ABCA3: variants seen among roughly 807,000 people sequenced by gnomAD.
ABCA3 encodes the protein ATP binding cassette subfamily A member 3, also known as phospholipid-transporting ATPase ABCA3.
In ABCA3, 88 loss-of-function variants were observed where a neutral mutation model predicts 172.8. That is an observed-to-expected ratio of 0.51 (90% CI 0.43 to 0.61). The LOEUF (loss-of-function observed/expected upper bound fraction) is 0.61. ABCA3 is among the 20% of genes least tolerant of loss of function. The pLI is 0.00. For synonymous variants in ABCA3, 1,066 were observed against 983.8 expected (o/e 1.08, Z -1.56); for missense variants, 2,164 against 2,301.0 (o/e 0.94, Z 1.22).
chr16:2,284,360 C>T lies in ABCA3; in HGVS notation c.3781G>A (p.Val1261Ile), dbSNP rs943919554. Residue 1261 changes from valine to isoleucine, a missense_variant, in exon 25 of 33, where the codon GTC becomes ATC. Around this residue, in one of 3 missense-constraint regions of ABCA3, gnomAD observed 795 missense variants for 881.9 expected, o/e 0.90. Transcript: ENST00000301732. The surrounding 1 kb of genome is among the most constrained non-coding windows in gnomAD (Gnocchi z 5.9). ...VLPNHCLGMA[V>I]SSFYENYETR... ...TCGTAGTTCTCGTAGAAACTGCTGA[C>T]TGCCATCCCCAGACAGTGGTTGGGC... 9 of 1,613,878 alleles carry T rather than the reference C, an allele frequency of 5.6e-6. No individual in the cohort carries two copies. The highest frequency in any genetic ancestry group is 7.6e-6 in the Non-Finnish European group (9 of 1,180,004).
rs534550241 is a variant in ABCA3, at chr16:2,281,947, G to A, written c.4036-438C>T. 4.6e-5 allele frequency among the ~76,000 whole-genome samples: 7 copies of A among 151,926 alleles called. No individual in the cohort carries two copies. In the East Asian group the frequency reaches 1.4e-3, roughly 29 times the overall value. On this transcript the variant is annotated intron_variant, in intron 26 of 32. Coordinates refer to ENST00000301732, the MANE Select transcript of ABCA3 (RefSeq NM_001089.3). The surrounding 1 kb of genome is among the most constrained non-coding windows in gnomAD (Gnocchi z 4.7). Reference sequence around the variant, plus strand: ...AGCCTCCCGAGTAGCGCGCCACCACGCCCAGCTAATTTTTGTATTTTTAGT... The same window carrying A: ...AGCCTCCCGAGTAGCGCGCCACCACACCCAGCTAATTTTTGTATTTTTAGT...
intron 7 of ABCA3, among the ~76,000 whole-genome samples, chr16:2,320,178 A>C (rs942741337): frequency 6.6e-6 from 1 of 151,530 alleles, no homozygotes; most frequent in Non-Finnish European, 1.5e-5. Context: ...GGCTCACTGC[A>C]ACCTCCACCT....
chr16:2,330,860 G>A (rs537801567), intron 1 of ABCA3, among the ~76,000 whole-genome samples: 2 of 151,880 alleles, frequency 1.3e-5, no homozygotes, highest in Admixed American at 1.3e-4. Context: ...CACAGCGCCC[G>A]GCTAATTTTT....
intron 10 of ABCA3, among the ~76,000 whole-genome samples, chr16:2,309,378 C>A (rs1436045873): frequency 1.3e-5 from 2 of 152,166 alleles, no homozygotes; most frequent in Admixed American, 1.3e-4. Context: ...AGAGAAAATC[C>A]CTCCCCTCCC....
chr16:2,282,899 C>T (rs1172758681), intron 26 of ABCA3, among the ~76,000 whole-genome samples: 1 of 152,040 alleles, frequency 6.6e-6, no homozygotes, highest in African/African-American at 2.4e-5. Flanking sequence ...TCCCCTCCTC[C>T]AGGCACTGGG....
At chr16:2,331,769 C>T (rs184943201) in intron 1 of ABCA3, among the ~76,000 whole-genome samples, 25 of 152,358 alleles carry the variant, frequency 1.6e-4, no homozygotes, top group African/African-American at 5.8e-4. Flanking sequence ...GGACCGGCCC[C>T]GGCTGAGCCC....
intron 2 of ABCA3, among the ~76,000 whole-genome samples, chr16:2,329,384 C>A (rs971275804): frequency 6.6e-6 from 1 of 152,098 alleles, no homozygotes; most frequent in Non-Finnish European, 1.5e-5. Context: ...GCCATCATCC[C>A]GGGGAAGTAC....
rs1443299666 is a variant in ABCA3, at chr16:2,287,074, C to G, written c.3005-107G>C. The G allele has an allele frequency of 3.1e-6, 4 of 1,303,566 alleles. No individual in the cohort carries two copies. The highest frequency in any genetic ancestry group is 4.3e-6 in the Non-Finnish European group (4 of 937,040). The allele number at this position is 1,303,566 out of a possible 1,614,324, so 80.7% of individuals were successfully genotyped here. On this transcript the variant is annotated intron_variant, in intron 21 of 32. Transcript: ENST00000301732. The surrounding 1 kb of genome is among the most constrained non-coding windows in gnomAD (Gnocchi z 4.1). Reference sequence around the variant, plus strand: ...GGACCCAATAGAGTGGTGCCAGCATCCTCTGAGCTGCCCGCCCCATCACCC... The same window carrying G: ...GGACCCAATAGAGTGGTGCCAGCATGCTCTGAGCTGCCCGCCCCATCACCC...
chr16:2,303,515 C>A (rs1312815252), intron 12 of ABCA3, among the ~76,000 whole-genome samples: 2 of 152,002 alleles, frequency 1.3e-5, no homozygotes, highest in Non-Finnish European at 2.9e-5. Flanking sequence ...CGTGATCCAC[C>A]CACCTTGGCC....
intron 14 of ABCA3, 94 bp from the exon 15 acceptor site, chr16:2,298,634 A>C: frequency 6.0e-6 from 9 of 1,492,118 alleles, no homozygotes; most frequent in Non-Finnish European, 8.2e-6. Flanking sequence ...GTCTCCCCTA[A>C]TTTCCTCTGA....
At chr16:2,326,804 A>G (rs145891650) in intron 3 of ABCA3, among the ~76,000 whole-genome samples, 1 of 152,302 alleles carries the variant, frequency 6.6e-6, no homozygotes, top group Non-Finnish European at 1.5e-5. Context: ...CCTGGCCAAC[A>G]TGGTGAAACC....
In ABCA3 at chr16:2,277,800, C is replaced by A; in HGVS notation, c.4909+79G>T. 1 of 1,595,418 alleles carries A rather than the reference C, an allele frequency of 6.3e-7. No individual in the cohort carries two copies. The highest frequency in any genetic ancestry group is 8.5e-7 in the Non-Finnish European group (1 of 1,171,166). ...GGGACTTGGCGGGGCGAGGCACAGA[C>A]GCTCCGCACAGCAGATGGGAGAGGC... On this transcript the variant is annotated intron_variant, in intron 31 of 32. Transcript: ENST00000301732. This position sits in a 1 kb window ranked among gnomAD's most constrained non-coding sequence, Gnocchi z 5.3.
chr16:2,278,121 C>T lies in ABCA3; in HGVS notation c.4719-52G>A, dbSNP rs1305921606. The T allele has an allele frequency of 1.2e-6, 2 of 1,609,772 alleles. No homozygotes were observed. The highest frequency in any genetic ancestry group is 3.3e-5 in the Admixed American group (2 of 59,804). Reference sequence around the variant, plus strand: ...GGGCTTGGGGTGCCAAAGGCTTGTGCAGACAGGAAGGCATTGGCTCTCCGA... The same window carrying T: ...GGGCTTGGGGTGCCAAAGGCTTGTGTAGACAGGAAGGCATTGGCTCTCCGA... On this transcript the variant is annotated intron_variant, in intron 30 of 32. Coordinates refer to ENST00000301732, the MANE Select transcript of ABCA3 (RefSeq NM_001089.3). The surrounding 1 kb of genome is among the most constrained non-coding windows in gnomAD (Gnocchi z 4.4).
Position 2,283,342 on chromosome 16 carries a change from C to A in ABCA3, c.3879G>T (p.Glu1293Asp). The change falls in exon 26 of 33, where the codon GAG becomes GAT. Residue 1293 changes from glutamate to aspartate, a missense_variant. By Grantham distance (45) the Glu-to-Asp change is conservative (BLOSUM62 2). Around this residue, in one of 3 missense-constraint regions of ABCA3, gnomAD observed 795 missense variants for 881.9 expected, o/e 0.90. Transcript: ENST00000301732. This position sits in a 1 kb window ranked among gnomAD's most constrained non-coding sequence, Gnocchi z 5.4. ...YCKKYNIQYQ[E>D]NFYAWSAPGV... Reference sequence around the variant, plus strand: ...CCGGGGCGCTCCAGGCATAGAAGTTCTCCTGGTACTGGATGTCTGTGGGGC... The same window carrying A: ...CCGGGGCGCTCCAGGCATAGAAGTTATCCTGGTACTGGATGTCTGTGGGGC... 1 of 1,613,060 alleles carries A rather than the reference C, an allele frequency of 6.2e-7. No homozygotes were observed. Among genetic ancestry groups the A allele is most frequent in the South Asian group, 1.1e-5 (1 of 91,048 alleles).
intron 14 of ABCA3, 145 bp downstream of exon 14, chr16:2,299,258 G>A: frequency 4.1e-6 from 5 of 1,204,848 alleles, no homozygotes; most frequent in Non-Finnish European, 5.9e-6. Context: ...TGTGCCCCTG[G>A]GCCTGCAGGG....
In ABCA3 at chr16:2,297,362, A is replaced by G. The variant is rs2093681425; in HGVS notation, c.2230T>C (p.Cys744Arg). 6.2e-7 allele frequency: 1 copy of G among 1,612,658 alleles called. No homozygotes were observed. The highest frequency in any genetic ancestry group is 1.3e-5 in the African/African-American group (1 of 74,810). The change falls in exon 17 of 33, where the codon TGC becomes CGC. Residue 744 changes from cysteine (C) to arginine (R), a missense_variant. Around this residue, in one of 3 missense-constraint regions of ABCA3, gnomAD observed 1,343 missense variants for 1,369.6 expected, o/e 0.98. Transcript: ENST00000301732. The surrounding 1 kb of genome is among the most constrained non-coding windows in gnomAD (Gnocchi z 5.6). Reference sequence around the variant, plus strand: ...TGCTTGAGGAACAGCGAGGACCCGCAGCACTGCAGCTCCCCCTTGGCCATG... The same window carrying G: ...TGCTTGAGGAACAGCGAGGACCCGCGGCACTGCAGCTCCCCCTTGGCCATG... ...AIMAKGELQC[C>R]GSSLFLKQKY... is the part of the protein sequence containing the mutation.
intron 17 of ABCA3, 92 bp from the exon 18 acceptor site, chr16:2,295,832 C>G: frequency 6.4e-7 from 1 of 1,573,314 alleles, no homozygotes; most frequent in Non-Finnish European, 8.7e-7. Context: ...ACCAGGCAAG[C>G]TGGTGGGAAG....
rs773144605 is a variant in ABCA3, at chr16:2,288,141, G to A, written c.2889C>T (p.Tyr963=). 28 of 1,611,708 alleles carry A rather than the reference G, an allele frequency of 1.7e-5. No homozygotes were observed. Among genetic ancestry groups the A allele is most frequent in the African/African-American group, 8.0e-5 (6 of 74,868 alleles). ...DPMLRLTLGE[Y]GRTVVPFSVP... ...CTGAGAAGGGCACGACGGTTCTGCC[G>A]TACTCGCCCAAGGTCAGCCTCAGCA... The change falls in exon 21 of 33, where the codon TAC becomes TAT. Residue 963 remains tyrosine, a synonymous_variant. Transcript: ENST00000301732.
At chr16:2,324,913 A>T (rs2141739203) in intron 5 of ABCA3, among the ~76,000 whole-genome samples, 1 of 152,268 alleles carries the variant, frequency 6.6e-6, no homozygotes, top group Middle Eastern at 3.4e-3. Context: ...GTGGATGCTA[A>T]CTCAGAGTGT....
Sources: gnomAD v4.1 joint callset for allele counts (sites outside exome capture counted in the v4.1 genomes callset) on GRCh38, gnomAD v4.1.1 for gene constraint, gnomAD v4.1.1 regional missense constraint, Gnocchi (gnomAD v3.1) non-coding constraint, MANE v1.5 for transcripts, NCBI Gene and HGNC (gene_info 2026-07-23, HGNC 2026-07-21) for gene names.